SPEG: variants seen among roughly 807,000 people sequenced by gnomAD.
The protein encoded by SPEG is striated muscle enriched protein kinase.
In SPEG, 114 loss-of-function variants were observed where a neutral mutation model predicts 300.4. The ratio of observed to expected loss-of-function variants is 0.38; its 90% CI spans 0.33 to 0.44. The LOEUF is 0.44. Ranked by LOEUF, SPEG falls within the 20% of genes least tolerant of loss-of-function variation. SPEG has a pLI of 1.00. For synonymous variants in SPEG, 1,964 were observed against 2,018.9 expected (o/e 0.97, Z 0.73); for missense variants, 4,201 against 4,586.2 (o/e 0.92, Z 2.43).
chr2:219,465,949 G>A, intron 9 of SPEG: 2 of 913,482 alleles, frequency 2.2e-6, no homozygotes, highest in East Asian at 2.6e-5. Context: ...ACGTGTGCGT[G>A]CATGTGTGCG....
In SPEG at chr2:219,458,863, A is replaced by G. The variant is rs1234693066; in HGVS notation, c.2441-3019A>G. Among the ~76,000 whole-genome samples, 1 of 152,186 alleles carries G rather than the reference A, an allele frequency of 6.6e-6. No individual in the cohort carries two copies. Among genetic ancestry groups the G allele is most frequent in the East Asian group, 1.9e-4 (1 of 5,200 alleles). On this transcript the variant is annotated intron_variant, in intron 6 of 40. Transcript: ENST00000312358. The surrounding 1 kb of genome is among the most constrained non-coding windows in gnomAD (Gnocchi z 4.2). ...GTAAGGTTGAGGAATCTATATTTTA[A>G]ATAAGCCCGAGGTGGTCCTGATGTG...
Position 219,477,485 on chromosome 2 carries a change from C to T in SPEG, c.4729+40C>T. On this transcript the variant is annotated intron_variant, in intron 20 of 40. Transcript: ENST00000312358. The surrounding 1 kb of genome is among the most constrained non-coding windows in gnomAD (Gnocchi z 6.4). Reference sequence around the variant, plus strand: ...CGGAGAAAGGTAAAGCGCACACCCCCTGGAATCTGATGTGACCCTCCATGC... The same window carrying T: ...CGGAGAAAGGTAAAGCGCACACCCCTTGGAATCTGATGTGACCCTCCATGC... The T allele has an allele frequency of 1.3e-6, 2 of 1,524,324 alleles. No homozygotes were observed. The highest frequency in any genetic ancestry group is 4.9e-5 in the East Asian group (2 of 41,062). The allele number at this position is 1,524,324 out of a possible 1,614,324, so 94.4% of individuals were successfully genotyped here.
At position 219,483,504 on chromosome 2, in the gene SPEG, G is replaced by C. The variant is rs1165801629; in HGVS notation, c.6041G>C (p.Ser2014Thr). Residue 2014 changes from serine (S) to threonine (T), a missense_variant, in exon 30 of 41, where the codon AGC (serine) becomes ACC (threonine). This residue lies in a region of SPEG where 1,578 missense variants were observed against 1,506.0 expected (regional missense o/e 1.05). Coordinates refer to ENST00000312358, the MANE Select transcript of SPEG (RefSeq NM_005876.5). ...SPRRGELRRG[S>T]SAESALPRAG... ...AGGCGGGGAGAGCTCCGCAGGGGCA[G>C]CTCGGCTGAGAGCGCCCTGCCCCGG... is the stretch of plus-strand genomic sequence containing the variant. 1 of 1,422,410 alleles carries C rather than the reference G, an allele frequency of 7.0e-7. No individual in the cohort carries two copies. The highest frequency in any genetic ancestry group is 2.8e-5 in the East Asian group (1 of 36,244). 88.1% of individuals were successfully genotyped at this position (1,422,410 alleles called of 1,614,324 possible).
intron 9 of SPEG, chr2:219,465,916 TGTGTGTGC>T (rs1559390797): frequency 4.6e-5 from 32 of 701,774 alleles, no homozygotes; most frequent in Non-Finnish European, 2.0e-5. Flanking sequence ...TGCATGCGTG[TGTGTGTGC>T]GCGCGTGTGC....
Position 219,484,627 on chromosome 2 carries a change from T to TG in SPEG, c.7165dup (p.Glu2389GlyfsTer191). The TG allele has an allele frequency of 6.5e-7, 1 of 1,545,316 alleles. No homozygotes were observed. Among genetic ancestry groups the TG allele is most frequent in the Non-Finnish European group, 8.7e-7 (1 of 1,149,862 alleles). On this transcript the variant is annotated frameshift_variant, in exon 30 of 41. Transcript: ENST00000312358. LOFTEE classifies it high-confidence loss of function. ...CCCCGCTGGAGCTGGTGCGACGGCCTGAGCGCTCACGCTCGGTGCAGGACC... is the reference window on the plus strand; with the variant it reads ...CCCCGCTGGAGCTGGTGCGACGGCCTGGAGCGCTCACGCTCGGTGCAGGACC...
Position 219,479,707 on chromosome 2 carries a change from G to T in SPEG, c.5086-76G>T. ...GAAGGCTACTCCACAGGCACAGCCGGACCGCTTGCCGCCCTGGAGGTGTTC... is the reference window on the plus strand; with the variant it reads ...GAAGGCTACTCCACAGGCACAGCCGTACCGCTTGCCGCCCTGGAGGTGTTC... On this transcript the variant is annotated intron_variant, in intron 23 of 40. Transcript: ENST00000312358. The surrounding 1 kb of genome is among the most constrained non-coding windows in gnomAD (Gnocchi z 5.5). The T allele has an allele frequency of 7.2e-7, 1 of 1,391,780 alleles. No homozygotes were observed. Among genetic ancestry groups the T allele is most frequent in the Non-Finnish European group, 1.0e-6 (1 of 982,202 alleles). 86.2% of individuals were successfully genotyped at this position (1,391,780 alleles called of 1,614,324 possible). A position where few individuals can be genotyped will look rare whatever the true frequency, so the allele number is the denominator to read the frequency against.
At chr2:219,474,652 A>ATT (rs1692181153) in intron 18 of SPEG, among the ~76,000 whole-genome samples, 2 of 152,176 alleles carry the variant, frequency 1.3e-5, no homozygotes, top group Non-Finnish European at 2.9e-5. Context: ...TCTCAGATAT[A>ATT]ACAAACATGG....
In SPEG at chr2:219,459,934, C is replaced by T. The variant is rs529963269; in HGVS notation, c.2441-1948C>T. On this transcript the variant is annotated intron_variant, in intron 6 of 40. Coordinates refer to ENST00000312358, the MANE Select transcript of SPEG (RefSeq NM_005876.5). The surrounding 1 kb of genome is among the most constrained non-coding windows in gnomAD (Gnocchi z 4.9). Reference sequence around the variant, plus strand: ...GGCTTGGGAATGTGGCCCCGGGTTGCGGGGTGAGGTGATAGGAAGAGGGAG... The same window carrying T: ...GGCTTGGGAATGTGGCCCCGGGTTGTGGGGTGAGGTGATAGGAAGAGGGAG... Among the ~76,000 whole-genome samples the T allele has an allele frequency of 2.3e-4, 35 of 152,288 alleles. No homozygotes were observed. In the South Asian group the frequency reaches 6.4e-3, roughly 28 times the overall value.
intron 6 of SPEG, among the ~76,000 whole-genome samples, chr2:219,460,057 G>A (rs1159670226): frequency 6.6e-6 from 1 of 152,252 alleles, no homozygotes; most frequent in African/African-American, 2.4e-5. Context: ...ATGATAAGGG[G>A]CCATTTGGGG....
At chr2:219,461,527 T>C (rs1308555272) in intron 6 of SPEG, 17 of 1,132,362 alleles carry the variant, frequency 1.5e-5, no homozygotes, top group African/African-American at 3.3e-5. Flanking sequence ...GTTGGTAGTT[T>C]AGGTCTCTAG....
intron 13 of SPEG, among the ~76,000 whole-genome samples, chr2:219,469,640 G>A (rs981924854): frequency 3.9e-5 from 6 of 152,162 alleles, no homozygotes; most frequent in South Asian, 2.1e-4. Flanking sequence ...AACCCGCATC[G>A]GGCCCATGAG....
intron 6 of SPEG, among the ~76,000 whole-genome samples, chr2:219,455,703 A>G (rs188397280): frequency 6.8e-4 from 103 of 152,224 alleles, no homozygotes; most frequent in Non-Finnish European, 1.2e-3. Context: ...CTGGGAGGGC[A>G]CTGGTGATGC....
In SPEG at chr2:219,481,893, G is replaced by T. The variant is rs963322046; in HGVS notation, c.5565+213G>T. 2.0e-5 allele frequency among the ~76,000 whole-genome samples: 3 copies of T among 152,198 alleles called. No homozygotes were observed. Among genetic ancestry groups the T allele is most frequent in the African/African-American group, 7.2e-5 (3 of 41,432 alleles). ...CAGGCTCTAATCAGTGATGGAGTTG[G>T]GGGTATACATACTGGACTCCAGGGC... is the stretch of plus-strand genomic sequence containing the variant. On this transcript the variant is annotated intron_variant, in intron 28 of 40. Coordinates refer to ENST00000312358, the MANE Select transcript of SPEG (RefSeq NM_005876.5). The surrounding 1 kb of genome is among the most constrained non-coding windows in gnomAD (Gnocchi z 5.4).
rs1459194965 is a variant in SPEG, at chr2:219,439,854, G to T, written c.388+4489G>T. Among the ~76,000 whole-genome samples, 1 of 152,196 alleles carries T rather than the reference G, an allele frequency of 6.6e-6. No homozygotes were observed. The highest frequency in any genetic ancestry group is 1.5e-5 in the Non-Finnish European group (1 of 68,026). On this transcript the variant is annotated intron_variant, in intron 1 of 40. Transcript: ENST00000312358. This position sits in a 1 kb window ranked among gnomAD's most constrained non-coding sequence, Gnocchi z 4.5. ...ATTCTCCTGGGGAACAGGGGCTCAA[G>T]TTACCCCCTCTCATCACTCAGCTCC...
chr2:219,487,777 C>A (rs1384096599), intron 31 of SPEG, among the ~76,000 whole-genome samples: 1 of 152,256 alleles, frequency 6.6e-6, no homozygotes, highest in Non-Finnish European at 1.5e-5. Context: ...CATCTCAATT[C>A]TCTTCTCACT....
chr2:219,481,226 G>C lies in SPEG; in HGVS notation c.5370-78G>C. ...CCTCACAACCCCAGAGCCTCCATCTGTCCCCAGCCCTGTGCCCCCACTGAC... is the reference window on the plus strand; with the variant it reads ...CCTCACAACCCCAGAGCCTCCATCTCTCCCCAGCCCTGTGCCCCCACTGAC... On this transcript the variant is annotated intron_variant, in intron 26 of 40. Transcript: ENST00000312358. The surrounding 1 kb of genome is among the most constrained non-coding windows in gnomAD (Gnocchi z 5.4). 3 of 1,479,674 alleles carry C rather than the reference G, an allele frequency of 2.0e-6. No homozygotes were observed. In the Admixed American group the frequency reaches 5.3e-5, roughly 26 times the overall value. 91.7% of individuals were successfully genotyped at this position (1,479,674 alleles called of 1,614,324 possible).
At chr2:219,455,157 A>G (rs1165512190) in intron 6 of SPEG, among the ~76,000 whole-genome samples, 2 of 152,244 alleles carry the variant, frequency 1.3e-5, no homozygotes, top group African/African-American at 4.8e-5. Flanking sequence ...TGAGTGCTTC[A>G]TATATACCAG....
intron 6 of SPEG, among the ~76,000 whole-genome samples, chr2:219,455,517 G>A (rs372790975): frequency 6.6e-6 from 1 of 152,134 alleles, no homozygotes; most frequent in African/African-American, 2.4e-5. Flanking sequence ...GCTAGTGGCT[G>A]CCTTCTTGGG....
At position 219,473,342 on chromosome 2, in the gene SPEG, C is replaced by T. The variant is rs1333729407; in HGVS notation, c.4148-162C>T. 2.5e-6 allele frequency: 2 copies of T among 814,404 alleles called. No individual in the cohort carries two copies. Among genetic ancestry groups the T allele is most frequent in the Non-Finnish European group, 1.9e-6 (1 of 516,362 alleles). 50.4% of individuals were successfully genotyped at this position (814,404 alleles called of 1,614,324 possible). The stretch of plus-strand genomic sequence containing the variant: ...ACCCCACAACCTCAGCTTTGCTGCT[C>T]TCTGGCTGTGTTCCCCTGACAAATC... On this transcript the variant is annotated intron_variant, in intron 16 of 40. Coordinates refer to ENST00000312358, the MANE Select transcript of SPEG (RefSeq NM_005876.5). The surrounding 1 kb of genome is among the most constrained non-coding windows in gnomAD (Gnocchi z 4.6).
Sources: gnomAD v4.1 joint callset for allele counts (sites outside exome capture counted in the v4.1 genomes callset) on GRCh38, gnomAD v4.1.1 for gene constraint, gnomAD v4.1.1 regional missense constraint, Gnocchi (gnomAD v3.1) non-coding constraint, MANE v1.5 for transcripts, NCBI Gene and HGNC (gene_info 2026-07-23, HGNC 2026-07-21) for gene names.